GALNT17: variants seen among roughly 807,000 people sequenced by gnomAD.
The protein encoded by GALNT17 is polypeptide N-acetylgalactosaminyltransferase 17.
In GALNT17, 29 loss-of-function variants were observed where a neutral mutation model predicts 63.7. The observed-to-expected ratio is 0.46, with a 90% CI of 0.34 to 0.62. The LOEUF is 0.62. Ranked by LOEUF, GALNT17 falls within the 20% of genes least tolerant of loss-of-function variation. The pLI is 0.01. For missense variants in GALNT17, 603 were observed against 799.6 expected (o/e 0.75, Z 2.97); for synonymous variants, 305 against 318.3 (o/e 0.96, Z 0.45).
At chr7:71,608,555 C>T (rs2116948068) in intron 6 of GALNT17, among the ~76,000 whole-genome samples, 1 of 152,286 alleles carries the variant, frequency 6.6e-6, no homozygotes, top group South Asian at 2.1e-4. Flanking sequence ...GCTATTGTAA[C>T]AGCAAAGGGA....
At chr7:71,571,156 GAACCCA>G (rs1789435385) in intron 5 of GALNT17, 123 bp from the exon 6 acceptor site, 2 of 694,090 alleles carry the variant, frequency 2.9e-6, no homozygotes, top group South Asian at 3.3e-5. Flanking sequence ...TGCTAGGCTG[GAACCCA>G]GTACATGCTA....
chr7:71,174,114 G>A (rs1300450071), intron 1 of GALNT17, among the ~76,000 whole-genome samples: 4 of 152,116 alleles, frequency 2.6e-5, no homozygotes, highest in African/African-American at 9.7e-5. Context: ...GCCCTTGAGG[G>A]GCTCATAGAC....
At chr7:71,407,518 C>T (rs530570273) in intron 3 of GALNT17, among the ~76,000 whole-genome samples, 2 of 152,134 alleles carry the variant, frequency 1.3e-5, no homozygotes, top group Non-Finnish European at 2.9e-5. Context: ...GAGGCTAAGG[C>T]AGGAGCATCA....
chr7:71,463,761 A>T (rs751486091), intron 5 of GALNT17, among the ~76,000 whole-genome samples: 1 of 152,188 alleles, frequency 6.6e-6, no homozygotes, highest in Non-Finnish European at 1.5e-5. Flanking sequence ...GTAAACTGTC[A>T]TGGAGCTGGT....
At chr7:71,381,805 C>G (rs755177133) in intron 2 of GALNT17, among the ~76,000 whole-genome samples, 3 of 152,062 alleles carry the variant, frequency 2.0e-5, no homozygotes, top group African/African-American at 7.2e-5. Context: ...AAGAAACCTG[C>G]GGCGCAAAGA....
At chr7:71,284,325 T>G (rs1790833464) in intron 1 of GALNT17, 1 of 153,500 alleles carries the variant, frequency 6.5e-6, no homozygotes, top group African/African-American at 2.4e-5. Flanking sequence ...GCCTCCCAAG[T>G]AGCTGGGACT....
At chr7:71,186,327 G>T (rs1321304104) in intron 1 of GALNT17, among the ~76,000 whole-genome samples, 4 of 152,224 alleles carry the variant, frequency 2.6e-5, no homozygotes, top group Admixed American at 2.6e-4. Context: ...AATCAGATGA[G>T]GCCAGTTTAT....
intron 3 of GALNT17, among the ~76,000 whole-genome samples, chr7:71,404,287 TG>T (rs1434585145): frequency 6.6e-6 from 1 of 152,246 alleles, no homozygotes; most frequent in Non-Finnish European, 1.5e-5. Context: ...GTGATATATT[TG>T]GTTTAACACT....
intron 5 of GALNT17, among the ~76,000 whole-genome samples, chr7:71,450,652 A>G (rs1787244656): frequency 6.6e-6 from 1 of 151,966 alleles, no homozygotes; most frequent in African/African-American, 2.4e-5. Flanking sequence ...CTTAAAAGAA[A>G]CGCCATTCTC....
At chr7:71,568,362 C>T (rs959184060) in intron 5 of GALNT17, among the ~76,000 whole-genome samples, 2 of 152,130 alleles carry the variant, frequency 1.3e-5, no homozygotes, top group Admixed American at 6.6e-5. Context: ...GTGGAAAGTG[C>T]TTTGCATCTT....
At chr7:71,392,828 G>A (rs894997782) in intron 3 of GALNT17, among the ~76,000 whole-genome samples, 20 of 122,064 alleles carry the variant, frequency 1.6e-4, no homozygotes, top group Non-Finnish European at 3.4e-4. Context: ...TTTTTTCCCC[G>A]GGCCAGAAAT....
intron 1 of GALNT17, among the ~76,000 whole-genome samples, chr7:71,256,982 C>A (rs776960311): frequency 6.6e-6 from 1 of 152,168 alleles, no homozygotes; most frequent in Non-Finnish European, 1.5e-5. Flanking sequence ...CTCTCTCTCT[C>A]GCACTCCTAC....
intron 2 of GALNT17, among the ~76,000 whole-genome samples, chr7:71,364,837 G>A (rs1193202056): frequency 3.9e-5 from 6 of 152,202 alleles, no homozygotes; most frequent in African/African-American, 1.4e-4. Flanking sequence ...GGGGCTGAAT[G>A]CCAAGTGAAA....
At chr7:71,702,729 T>C (rs1270963758) in intron 9 of GALNT17, among the ~76,000 whole-genome samples, 1 of 152,154 alleles carries the variant, frequency 6.6e-6, no homozygotes, top group Non-Finnish European at 1.5e-5. Context: ...ACTAACCTTA[T>C]CAAGAAAGGA....
intron 2 of GALNT17, among the ~76,000 whole-genome samples, chr7:71,384,721 C>T (rs1792908919): frequency 6.6e-6 from 1 of 152,190 alleles, no homozygotes; most frequent in African/African-American, 2.4e-5. Context: ...GAGTCTAGCT[C>T]TTTACTGTGT....
chr7:71,525,128 AC>A (rs1276285854), intron 5 of GALNT17, among the ~76,000 whole-genome samples: 5 of 152,158 alleles, frequency 3.3e-5, no homozygotes, highest in African/African-American at 1.2e-4. Context: ...TTACTTTTGC[AC>A]CAACTCAATA....
chr7:71,321,885 T>TCC, intron 1 of GALNT17, among the ~76,000 whole-genome samples: 2 of 70,378 alleles, frequency 2.8e-5, no homozygotes, highest in South Asian at 8.4e-4. Flanking sequence ...CTTCCTTCCT[T>TCC]CCTTCCTTCC....
chr7:71,360,468 G>A (rs2527292), intron 2 of GALNT17, among the ~76,000 whole-genome samples: 4,778 of 151,506 alleles, frequency 0.032, 249 homozygotes, highest in African/African-American at 0.11. Flanking sequence ...ACCGAACTTC[G>A]GTTATCACTT....
At chr7:71,569,682 T>C (rs1789405518) in intron 5 of GALNT17, among the ~76,000 whole-genome samples, 1 of 152,148 alleles carries the variant, frequency 6.6e-6, no homozygotes, top group Non-Finnish European at 1.5e-5. Flanking sequence ...AATGGCTGTG[T>C]CCATGCTGCA....
Sources: allele counts gnomAD v4.1 joint callset (sites outside exome capture counted in the v4.1 genomes callset), GRCh38; gene constraint gnomAD v4.1.1; transcripts MANE v1.5; gene names NCBI Gene and HGNC (gene_info 2026-07-23, HGNC 2026-07-21).